SWAP70: variants seen among roughly 807,000 people sequenced by gnomAD.
SWAP70 encodes the protein switching B cell complex subunit SWAP70.
In SWAP70, 34 loss-of-function variants were observed where a neutral mutation model predicts 80.2. The observed-to-expected ratio is 0.42, with a 90% CI of 0.32 to 0.56. The LOEUF (loss-of-function observed/expected upper bound fraction) is 0.56, where lower values mean the gene tolerates loss of function less well. SWAP70 is among the 20% of genes least tolerant of loss of function. The pLI is 0.09. For synonymous variants in SWAP70, 239 were observed against 238.5 expected (o/e 1.00, Z -0.02); for missense variants, 578 against 690.7 (o/e 0.84, Z 1.83).
intron 2 of SWAP70, among the ~76,000 whole-genome samples, chr11:9,706,549 G>A (rs976445922): frequency 2.0e-5 from 3 of 152,048 alleles, no homozygotes; most frequent in Non-Finnish European, 2.9e-5. Flanking sequence ...CAACCTCTTT[G>A]CTCTTCTCTT....
At chr11:9,744,772 G>C (rs1026114858) in intron 9 of SWAP70, among the ~76,000 whole-genome samples, 1 of 152,108 alleles carries the variant, frequency 6.6e-6, no homozygotes, top group Non-Finnish European at 1.5e-5. Context: ...GCTGGGCGTG[G>C]TGGTGCATGC....
chr11:9,677,310 G>C (rs1324222987), intron 1 of SWAP70, among the ~76,000 whole-genome samples: 2 of 151,920 alleles, frequency 1.3e-5, no homozygotes, highest in African/African-American at 4.8e-5. Context: ...AATCTCCAGT[G>C]TTACTTAGAA....
intron 1 of SWAP70, among the ~76,000 whole-genome samples, chr11:9,678,477 A>G (rs1184210186): frequency 3.3e-5 from 3 of 91,138 alleles, no homozygotes; most frequent in African/African-American, 1.2e-4. Flanking sequence ...GGACATTTTT[A>G]TGTTTTTTTT....
Position 9,732,597 on chromosome 11 carries a change from C to A in SWAP70, c.967C>A (p.Arg323=), listed in dbSNP as rs1430912409. Residue 323 remains arginine, a synonymous_variant, in exon 7 of 12, where the codon CGG becomes AGG. Transcript: ENST00000318950. The part of the protein sequence containing the change: ...PPPHKEARQR[R]KELRKKQLAE... ...ACCACACAAAGAAGCCCGCCAGCGT[C>A]GGAAAGAACTCCGGAAGAAGCAGCT... 2.5e-6 allele frequency: 4 copies of A among 1,602,218 alleles called. No homozygotes were observed. The highest frequency in any genetic ancestry group is 3.4e-6 in the Non-Finnish European group (4 of 1,173,176).
At chr11:9,672,195 CTATATATATATATATATATATA>C (rs57590750) in intron 1 of SWAP70, among the ~76,000 whole-genome samples, 3 of 78,438 alleles carry the variant, frequency 3.8e-5, no homozygotes, top group Admixed American at 4.2e-4. Context: ...ATGTGTGTGT[CTATATATATATATATATATATA>C]TATATATATA....
chr11:9,721,309 A>G (rs919275046), intron 3 of SWAP70, among the ~76,000 whole-genome samples: 8 of 152,168 alleles, frequency 5.3e-5, no homozygotes, highest in Non-Finnish European at 1.0e-4. Flanking sequence ...CTCCAACAAG[A>G]GAAAGAAAAG....
At chr11:9,670,577 C>T (rs1055166778) in intron 1 of SWAP70, among the ~76,000 whole-genome samples, 15 of 151,768 alleles carry the variant, frequency 9.9e-5, no homozygotes, top group African/African-American at 3.6e-4. Flanking sequence ...AGAAAAGAGC[C>T]ATTGACAGTC....
At chr11:9,745,365 G>C (rs1851498885) in intron 9 of SWAP70, among the ~76,000 whole-genome samples, 1 of 152,218 alleles carries the variant, frequency 6.6e-6, no homozygotes, top group Admixed American at 6.5e-5. Context: ...TGCAGACGGG[G>C]AAGATATATA....
In SWAP70 at chr11:9,670,822, C is replaced by T. The variant is rs112138075; in HGVS notation, c.99+6544C>T. ...AGGCTGGAGCACAGTGGGGCCATCT[C>T]GGCTCACTGCAACCTTCACCTCCTG... On this transcript the variant is annotated intron_variant, in intron 1 of 11. Transcript: ENST00000318950. 6.7e-3 allele frequency among the ~76,000 whole-genome samples: 1,016 copies of T among 151,908 alleles called. 15 individuals are homozygous for T. The highest frequency in any genetic ancestry group is 0.023 in the African/African-American group (956 of 41,438).
chr11:9,681,443 T>C (rs1020560352), intron 1 of SWAP70, among the ~76,000 whole-genome samples: 1 of 152,240 alleles, frequency 6.6e-6, no homozygotes, highest in African/African-American at 2.4e-5. Context: ...TAGTTCAGAA[T>C]TGACCCTGTA....
At chr11:9,747,802 G>A (rs1851531000) in intron 9 of SWAP70, 56 bp from the exon 10 acceptor site, 2 of 1,543,930 alleles carry the variant, frequency 1.3e-6, no homozygotes, top group African/African-American at 1.4e-5. Context: ...CTCGTCTGCT[G>A]GGTCAGGGTG....
intron 1 of SWAP70, among the ~76,000 whole-genome samples, chr11:9,690,782 G>A (rs1265142846): frequency 6.6e-6 from 1 of 151,984 alleles, no homozygotes; most frequent in Admixed American, 6.6e-5. Context: ...TACTGTCTAA[G>A]CTTTAAAGAA....
chr11:9,679,944 C>T (rs1199136082), intron 1 of SWAP70, among the ~76,000 whole-genome samples: 7 of 152,214 alleles, frequency 4.6e-5, no homozygotes, highest in South Asian at 2.1e-4. Flanking sequence ...GCTGGGATTA[C>T]AGGCATGAGC....
At chr11:9,682,213 C>G (rs1850576055) in intron 1 of SWAP70, among the ~76,000 whole-genome samples, 1 of 152,226 alleles carries the variant, frequency 6.6e-6, no homozygotes, top group African/African-American at 2.4e-5. Flanking sequence ...CAGCCTCACA[C>G]TCTCTGCTTG....
chr11:9,709,851 G>A (rs553280431), intron 2 of SWAP70, among the ~76,000 whole-genome samples: 1 of 152,222 alleles, frequency 6.6e-6, no homozygotes, highest in Admixed American at 6.5e-5. Flanking sequence ...TGACTGGAAG[G>A]CTTACCAATA....
At position 9,711,405 on chromosome 11, in the gene SWAP70, G is replaced by C. The variant is rs529521755; in HGVS notation, c.241-2061G>C. Among the ~76,000 whole-genome samples, 69 of 152,232 alleles carry C rather than the reference G, an allele frequency of 4.5e-4. No individual in the cohort carries two copies. The South Asian group carries it at 6.0e-3, about 13-fold the overall frequency. On this transcript the variant is annotated intron_variant, in intron 2 of 11. Transcript: ENST00000318950. ...ATTTGCCTTTTATGTGTGTGTGTGT[G>C]TGTCTGTCTGTCTGTCTGTCTAGCA... is the stretch of plus-strand genomic sequence containing the variant.
intron 9 of SWAP70, among the ~76,000 whole-genome samples, chr11:9,746,942 A>G (rs1851519849): frequency 1.3e-5 from 2 of 152,196 alleles, no homozygotes; most frequent in East Asian, 1.9e-4. Context: ...TGTTAGTTTT[A>G]TAAGAGCAGA....
intron 2 of SWAP70, among the ~76,000 whole-genome samples, chr11:9,706,549 G>T (rs976445922): frequency 6.6e-6 from 1 of 152,048 alleles, no homozygotes; most frequent in Non-Finnish European, 1.5e-5. Context: ...CAACCTCTTT[G>T]CTCTTCTCTT....
At chr11:9,720,651 G>A (rs1479359674) in intron 3 of SWAP70, among the ~76,000 whole-genome samples, 1 of 151,996 alleles carries the variant, frequency 6.6e-6, no homozygotes, top group Admixed American at 6.6e-5. Context: ...TGTATTCCCT[G>A]TACCCCAAGT....
Sources: allele counts gnomAD v4.1 joint callset (sites outside exome capture counted in the v4.1 genomes callset), GRCh38; gene constraint gnomAD v4.1.1; transcripts MANE v1.5; gene names NCBI Gene and HGNC (gene_info 2026-07-23, HGNC 2026-07-21).